The following CYP11A1 variants were observed in gnomAD, a reference collection of about 807,000 sequenced individuals.
The protein encoded by CYP11A1 is cytochrome P450 family 11 subfamily A member 1.
A neutral mutation model predicts 51.9 loss-of-function variants in CYP11A1; 25 were observed. The ratio of observed to expected loss-of-function variants is 0.48; its 90% CI spans 0.35 to 0.67. CYP11A1 has a LOEUF of 0.67. CYP11A1 is among the 30% of genes least tolerant of loss of function. The probability of loss-of-function intolerance (pLI) is 0.00; values close to 1 mark genes in which losing one functional copy is unlikely to be tolerated. For missense variants in CYP11A1, 578 were observed against 680.9 expected (o/e 0.85, Z 1.68); for synonymous variants, 245 against 262.1 (o/e 0.93, Z 0.63).
At chr15:74,359,624 G>C (rs570787517) in intron 1 of CYP11A1, 15 of 152,182 alleles carry the variant, frequency 9.9e-5, no homozygotes, top group Admixed American at 4.6e-4. Context: ...CCCTTTGACT[G>C]TAATTTTCCA....
At chr15:74,347,385 A>G (rs1314083628) in intron 2 of CYP11A1, among the ~76,000 whole-genome samples, 4 of 152,084 alleles carry the variant, frequency 2.6e-5, no homozygotes, top group Non-Finnish European at 5.9e-5. Context: ...TCCAGCCTGG[A>G]TGACACAATG....
At position 74,337,981 on chromosome 15, in the gene CYP11A1, G is replaced by C. The variant is rs368760155; in HGVS notation, c.1557C>G (p.Thr519=). 2 of 1,614,022 alleles carry C rather than the reference G, an allele frequency of 1.2e-6. No homozygotes were observed. The highest frequency in any genetic ancestry group is 1.7e-6 in the Non-Finnish European group (2 of 1,180,018). Residue 519 remains threonine (T), a synonymous_variant, in exon 9 of 9, where the codon ACC becomes ACG. Transcript: ENST00000268053. ...FTFWPFNQEA[T]QQ ...AGGCCATCCTCTCTGATCACTGCTG[G>C]GTTGCTTCCTGGTTAAAGGGCCAGA...
chr15:74,362,147 C>T, intron 1 of CYP11A1: 2 of 704,768 alleles, frequency 2.8e-6, no homozygotes. Flanking sequence ...AATCTTTGTG[C>T]TCTCGCTGCA....
intron 1 of CYP11A1, chr15:74,361,643 A>G: frequency 8.3e-7 from 1 of 1,199,756 alleles, no homozygotes. Flanking sequence ...AGATTCCAAA[A>G]ACAGCAGAAA....
chr15:74,350,102 GA>G, intron 1 of CYP11A1: 1 of 378,844 alleles, frequency 2.6e-6, no homozygotes, highest in Non-Finnish European at 5.2e-6. Context: ...GAGAAAAAAG[GA>G]AAGAATTCCT....
At chr15:74,366,125 G>T in intron 1 of CYP11A1, 2 of 985,566 alleles carry the variant, frequency 2.0e-6, no homozygotes, top group Non-Finnish European at 1.2e-6. Flanking sequence ...GGAGCAGGCC[G>T]GGGGCCACGC....
intron 1 of CYP11A1, chr15:74,365,705 G>T: frequency 1.0e-6 from 1 of 985,518 alleles, no homozygotes; most frequent in Non-Finnish European, 1.2e-6. Context: ...GTCCGGCCGC[G>T]CGGACGTCAC....
chr15:74,340,563 A>G (rs1462785291), intron 5 of CYP11A1, among the ~76,000 whole-genome samples: 1 of 152,148 alleles, frequency 6.6e-6, no homozygotes, highest in Non-Finnish European at 1.5e-5. Context: ...AGGGGCAACA[A>G]TGACAAGCTG....
chr15:74,367,010 C>G (rs964720494), intron 1 of CYP11A1: 4 of 424,706 alleles, frequency 9.4e-6, no homozygotes, highest in African/African-American at 8.0e-5. Context: ...GCCACCATGC[C>G]TGGCCAGACC....
chr15:74,349,692 T>C (rs2060647194), intron 1 of CYP11A1, among the ~76,000 whole-genome samples: 1 of 152,036 alleles, frequency 6.6e-6, no homozygotes, highest in African/African-American at 2.4e-5. Flanking sequence ...GCCTCATGTC[T>C]AACAGCAAAA....
intron 2 of CYP11A1, 66 bp downstream of exon 2, chr15:74,347,834 G>A: frequency 6.4e-7 from 1 of 1,571,726 alleles, no homozygotes; most frequent in South Asian, 1.1e-5. Flanking sequence ...CTCACCCCCA[G>A]CCTCTGCCCT....
At chr15:74,361,401 C>T (rs976100835) in intron 1 of CYP11A1, 11 of 295,720 alleles carry the variant, frequency 3.7e-5, no homozygotes, top group South Asian at 7.9e-5. Context: ...AAGCTACTAA[C>T]CCACGTAAAA....
chr15:74,348,021 T>G lies in CYP11A1; in HGVS notation c.304A>C (p.Ile102Leu). Residue 102 changes from isoleucine to leucine, a missense_variant, in exon 2 of 9, where the codon ATC becomes CTC. Coordinates refer to ENST00000268053, the MANE Select transcript of CYP11A1 (RefSeq NM_000781.3). ...KLGNVESVYV[I>L]DPEDVALLFK... ...AGAAGGGCCACATCTTCAGGGTCGA[T>G]GACATAAACCGACTCCACGTTGCCG... The G allele has an allele frequency of 6.2e-7, 1 of 1,614,122 alleles. No individual in the cohort carries two copies. The highest frequency in any genetic ancestry group is 8.5e-7 in the Non-Finnish European group (1 of 1,180,008).
At chr15:74,350,227 T>C in intron 1 of CYP11A1, 1 of 287,572 alleles carries the variant, frequency 3.5e-6, no homozygotes, top group Non-Finnish European at 7.4e-6. Context: ...ATTTTTCATT[T>C]GTGTTTCTCT....
chr15:74,366,387 G>A (rs1424821031), intron 1 of CYP11A1, among the ~76,000 whole-genome samples: 5 of 149,870 alleles, frequency 3.3e-5, no homozygotes, highest in East Asian at 2.0e-4. Flanking sequence ...GGGTTCGGGC[G>A]AGTGTCCTGC....
intron 1 of CYP11A1, chr15:74,350,931 G>A (rs2060653512): frequency 6.6e-6 from 1 of 152,218 alleles, no homozygotes; most frequent in African/African-American, 2.4e-5. Flanking sequence ...AGCCAGCCAG[G>A]AGGAAGAGGT....
In CYP11A1 at chr15:74,341,192, G is replaced by A. The variant is rs1321317813; in HGVS notation, c.991-1439C>T. ...AGGGTTGTTTGTGAGTATTAAATGAGGTAACATATGTAAACAGCTTAGGAC... is the reference window on the plus strand; with the variant it reads ...AGGGTTGTTTGTGAGTATTAAATGAAGTAACATATGTAAACAGCTTAGGAC... On this transcript the variant is annotated intron_variant, in intron 5 of 8. Transcript: ENST00000268053. 2.0e-5 allele frequency among the ~76,000 whole-genome samples: 3 copies of A among 152,124 alleles called. No individual in the cohort carries two copies. The East Asian group carries it at 5.8e-4, about 29-fold the overall frequency.
chr15:74,338,514 GC>G, intron 8 of CYP11A1, 56 bp downstream of exon 8: 2 of 1,546,132 alleles, frequency 1.3e-6, no homozygotes, highest in Non-Finnish European at 1.8e-6. Context: ...GAAGATTGGT[GC>G]CTTCATTAGG....
chr15:74,362,516 C>A, intron 1 of CYP11A1: 1 of 151,164 alleles, frequency 6.6e-6, no homozygotes, highest in Admixed American at 6.5e-5. Flanking sequence ...ACTGTCCTTG[C>A]CATCTACACT....
Sources: gnomAD v4.1 joint callset for allele counts (sites outside exome capture counted in the v4.1 genomes callset) on GRCh38, gnomAD v4.1.1 for gene constraint, MANE v1.5 for transcripts, NCBI Gene and HGNC (gene_info 2026-07-23, HGNC 2026-07-21) for gene names.